Variants in TAOK1 observed in about 807,000 individuals in gnomAD.
TAOK1 encodes TAO kinase 1.
A neutral mutation model predicts 138.3 loss-of-function variants in TAOK1; 21 were observed. The observed-to-expected ratio is 0.15, with a 90% CI of 0.11 to 0.22. The LOEUF is 0.22. Among genes scored for constraint, TAOK1 ranks in the 10% least tolerant of loss-of-function variants. TAOK1 has a pLI of 1.00. For synonymous variants in TAOK1, 361 were observed against 398.4 expected, an observed-to-expected ratio of 0.91 and a Z score of 1.12; for missense variants, 651 against 1,227.7, an observed-to-expected ratio of 0.53 and a Z score of 7.02.
chr17:29,422,031 G>A (rs1328983448), intron 1 of TAOK1, among the ~76,000 whole-genome samples: 1 of 151,732 alleles, frequency 6.6e-6, no homozygotes, highest in African/African-American at 2.4e-5. Flanking sequence ...CCGAGTAGCT[G>A]GGACTACAGG....
intron 16 of TAOK1, among the ~76,000 whole-genome samples, chr17:29,521,146 T>C (rs1362128178): frequency 6.6e-6 from 1 of 152,246 alleles, no homozygotes; most frequent in Non-Finnish European, 1.5e-5. Context: ...TAAAACTGTA[T>C]GTTTTTGTAA....
intron 8 of TAOK1, 107 bp downstream of exon 8, chr17:29,482,395 A>T: frequency 4.6e-6 from 4 of 871,914 alleles, no homozygotes; most frequent in Non-Finnish European, 7.1e-6. Context: ...ATGTCACTTT[A>T]TAAGGGGGGC....
intron 12 of TAOK1, among the ~76,000 whole-genome samples, chr17:29,501,241 A>T (rs930041445): frequency 7.1e-6 from 1 of 141,638 alleles, no homozygotes; most frequent in Non-Finnish European, 1.6e-5. Flanking sequence ...AAAAAAAAAA[A>T]AGAAAAGAAA....
chr17:29,506,076 A>G (rs1046877958), intron 13 of TAOK1, among the ~76,000 whole-genome samples: 24 of 152,246 alleles, frequency 1.6e-4, no homozygotes, highest in African/African-American at 2.4e-4. Context: ...AAAACTAAAA[A>G]TAGAACTACC....
chr17:29,534,406 C>A, intron 19 of TAOK1, 106 bp downstream of exon 19: 2 of 1,045,094 alleles, frequency 1.9e-6, no homozygotes, highest in African/African-American at 1.6e-5. Context: ...ATTTCTTTCA[C>A]AATACCACAT....
chr17:29,424,436 C>CAAAAAAA (rs781589064), intron 1 of TAOK1, among the ~76,000 whole-genome samples: 6 of 71,994 alleles, frequency 8.3e-5, no homozygotes, highest in Non-Finnish European at 1.6e-4. Flanking sequence ...GACTCCCTCT[C>CAAAAAAA]AAAAAAAAAA....
chr17:29,418,460 C>T (rs1567712870), intron 1 of TAOK1, among the ~76,000 whole-genome samples: 1 of 152,100 alleles, frequency 6.6e-6, no homozygotes, highest in Non-Finnish European at 1.5e-5. Flanking sequence ...CCACCTTGGC[C>T]TCTCAAAGTG....
chr17:29,395,824 A>ATTTTTTTTTTTTTTTTT (rs1187461666), intron 1 of TAOK1, among the ~76,000 whole-genome samples: 2 of 72,102 alleles, frequency 2.8e-5, no homozygotes, highest in African/African-American at 1.3e-4. Context: ...CGTCTGGCTA[A>ATTTTTTTTTTTTTTTTT]TTTTTTTTTT....
intron 1 of TAOK1, among the ~76,000 whole-genome samples, chr17:29,442,472 C>T (rs548527112): frequency 6.6e-6 from 1 of 151,208 alleles, no homozygotes; most frequent in South Asian, 2.1e-4. Context: ...CATTTGTAAC[C>T]TTATTCTTTG....
intron 1 of TAOK1, among the ~76,000 whole-genome samples, chr17:29,416,624 C>T (rs558511556): frequency 5.9e-5 from 9 of 151,994 alleles, no homozygotes; most frequent in South Asian, 2.1e-4. Context: ...TATTGCAAGC[C>T]GAAACTATGT....
chr17:29,467,507 C>T (rs555660135), intron 3 of TAOK1, among the ~76,000 whole-genome samples: 3 of 152,212 alleles, frequency 2.0e-5, no homozygotes, highest in South Asian at 4.1e-4. Context: ...CTCCTGACCT[C>T]GTGATCTGCC....
intron 1 of TAOK1, among the ~76,000 whole-genome samples, chr17:29,437,734 C>CT (rs11447325): frequency 0.6 from 74,081 of 124,170 alleles, 23,198 homozygotes; most frequent in East Asian, 0.88. Flanking sequence ...TTATATTCTT[C>CT]TTTTTTTTTT....
At chr17:29,409,333 A>ATATATATATT (rs1348702470) in intron 1 of TAOK1, among the ~76,000 whole-genome samples, 106 of 59,012 alleles carry the variant, frequency 1.8e-3, no homozygotes, top group African/African-American at 7.1e-3. Flanking sequence ...ATATATATAT[A>ATATATATATT]TTTTTTTTTT....
At chr17:29,529,401 G>T (rs1598524194) in intron 17 of TAOK1, among the ~76,000 whole-genome samples, 1 of 152,110 alleles carries the variant, frequency 6.6e-6, no homozygotes, top group Non-Finnish European at 1.5e-5. Flanking sequence ...ACCAGCCTGG[G>T]CAACATAGGG....
intron 17 of TAOK1, among the ~76,000 whole-genome samples, chr17:29,523,182 T>C (rs959887913): frequency 1.3e-5 from 2 of 151,978 alleles, no homozygotes; most frequent in Non-Finnish European, 2.9e-5. Context: ...AGTAAAATTT[T>C]AAAACCCTAA....
At chr17:29,411,180 C>T (rs1474170377) in intron 1 of TAOK1, among the ~76,000 whole-genome samples, 1 of 148,224 alleles carries the variant, frequency 6.7e-6, no homozygotes, top group Non-Finnish European at 1.5e-5. Context: ...CAAGCTCCGC[C>T]TTCCGGGTTC....
rs987212838 is a variant in TAOK1 at position 29,510,732 on chromosome 17, C to T, written c.1576-132C>T. On this transcript the variant is annotated intron_variant, in intron 14 of 19. Coordinates refer to ENST00000261716, the MANE Select transcript of TAOK1 (RefSeq NM_020791.4). ...AGTAGCACATGTTTATAATTTGGTT[C>T]AGTCTTTTATTTTGGTAATGTTTCT... The T allele has an allele frequency of 3.2e-5, 20 of 615,462 alleles. No homozygotes were observed. The Admixed American group carries it at 7.5e-4, about 23-fold the overall frequency. 38.1% of individuals were successfully genotyped at this position (615,462 alleles called of 1,614,324 possible). A position where few individuals can be genotyped will look rare whatever the true frequency, so the allele number is the denominator to read the frequency against.
Position 29,548,916 on chromosome 17 carries a change from T to C in TAOK1, c.*5894T>C, listed in dbSNP as rs573330985. ...GAAATGAAGCTTAATCATGGTCAGG[T>C]TTGAGATCTTTTGCAGTGAAATAAT... On this transcript the variant is annotated 3_prime_UTR_variant, in exon 20 of 20. Transcript: ENST00000261716. The C allele has an allele frequency of 2.6e-5, 4 of 152,140 alleles. No homozygotes were observed. The highest frequency in any genetic ancestry group is 9.7e-5 in the African/African-American group (4 of 41,450). The allele number at this position is 152,140 out of a possible 1,614,324, so 9.4% of individuals were successfully genotyped here. A position where few individuals can be genotyped will look rare whatever the true frequency, so the allele number is the denominator to read the frequency against.
chr17:29,480,561 A>G, intron 7 of TAOK1, 80 bp downstream of exon 7: 1 of 1,240,514 alleles, frequency 8.1e-7, no homozygotes, highest in East Asian at 2.6e-5. Flanking sequence ...AGTGTAAGGT[A>G]AAGTACTGTC....
Sources: allele counts gnomAD v4.1 joint callset (sites outside exome capture counted in the v4.1 genomes callset), GRCh38; gene constraint gnomAD v4.1.1; transcripts MANE v1.5; gene names NCBI Gene and HGNC (gene_info 2026-07-23, HGNC 2026-07-21).